LCLAT1: variants seen among roughly 807,000 people sequenced by gnomAD.
LCLAT1 encodes the protein lysocardiolipin acyltransferase 1, also known as 1-AGP acyltransferase 8.
Under a neutral mutation model 30.7 loss-of-function variants are expected in LCLAT1, and 11 were observed. The observed-to-expected ratio is 0.36, with a 90% CI of 0.23 to 0.59. The LOEUF (loss-of-function observed/expected upper bound fraction) is 0.59. Ranked by LOEUF, LCLAT1 falls within the 20% of genes least tolerant of loss-of-function variation. The pLI, the probability that LCLAT1 is intolerant of heterozygous loss-of-function variation, is 0.77. For synonymous variants in LCLAT1, 155 were observed against 151.3 expected, an observed-to-expected ratio of 1.02 and a Z score of -0.18; for missense variants, 402 against 458.6, an observed-to-expected ratio of 0.88 and a Z score of 1.13.
chr2:30,574,064 C>T (rs1665894166), intron 5 of LCLAT1, among the ~76,000 whole-genome samples: 1 of 151,918 alleles, frequency 6.6e-6, no homozygotes, highest in South Asian at 2.1e-4. Flanking sequence ...ATCGCTTGAA[C>T]CTGGGAGGTG....
At chr2:30,485,460 T>C (rs1275134723) in intron 1 of LCLAT1, among the ~76,000 whole-genome samples, 1 of 152,142 alleles carries the variant, frequency 6.6e-6, no homozygotes, top group African/African-American at 2.4e-5. Context: ...GTTGAACAAG[T>C]GATTTTTTTT....
chr2:30,626,060 A>G (rs1428576521), intron 5 of LCLAT1, among the ~76,000 whole-genome samples: 4 of 152,170 alleles, frequency 2.6e-5, no homozygotes. Context: ...TGGCATGAAT[A>G]ATGCCTGGCA....
At chr2:30,465,343 C>T (rs1682366160) in intron 1 of LCLAT1, among the ~76,000 whole-genome samples, 1 of 152,152 alleles carries the variant, frequency 6.6e-6, no homozygotes, top group African/African-American at 2.4e-5. Context: ...CTGGAATAAG[C>T]AAGGAACAGA....
chr2:30,577,512 A>G (rs1666048564), intron 5 of LCLAT1, among the ~76,000 whole-genome samples: 1 of 152,128 alleles, frequency 6.6e-6, no homozygotes, highest in Non-Finnish European at 1.5e-5. Flanking sequence ...TTTTGTGGTA[A>G]TTAATAACTT....
intron 4 of LCLAT1, 135 bp downstream of exon 4, chr2:30,562,427 T>C (rs1665274700): frequency 1.6e-6 from 1 of 629,048 alleles, no homozygotes; most frequent in Non-Finnish European, 2.5e-6. Context: ...TCCTAGCTAC[T>C]CAGGAGGCTG....
At chr2:30,637,957 A>G (rs957761381) in intron 5 of LCLAT1, among the ~76,000 whole-genome samples, 16 of 152,190 alleles carry the variant, frequency 1.1e-4, no homozygotes, top group African/African-American at 3.1e-4. Context: ...TTCTTCAGTG[A>G]GGCTTTCATT....
At chr2:30,543,972 T>G (rs1232876000) in intron 3 of LCLAT1, among the ~76,000 whole-genome samples, 1 of 152,226 alleles carries the variant, frequency 6.6e-6, no homozygotes, top group Non-Finnish European at 1.5e-5. Flanking sequence ...TTTTAGTTTC[T>G]TAACATAGAA....
intron 2 of LCLAT1, among the ~76,000 whole-genome samples, chr2:30,529,598 A>C (rs561653092): frequency 6.6e-6 from 1 of 152,216 alleles, no homozygotes; most frequent in Non-Finnish European, 1.5e-5. Context: ...TATGAAAATT[A>C]CTGGAGTTCT....
intron 1 of LCLAT1, among the ~76,000 whole-genome samples, chr2:30,500,073 G>T (rs996645978): frequency 5.9e-5 from 9 of 152,200 alleles, no homozygotes; most frequent in African/African-American, 2.2e-4. Flanking sequence ...ATAAGTGAAA[G>T]AAAACACCCA....
At chr2:30,517,618 G>A (rs1348794595) in intron 1 of LCLAT1, among the ~76,000 whole-genome samples, 1 of 152,170 alleles carries the variant, frequency 6.6e-6, no homozygotes, top group Admixed American at 6.5e-5. Flanking sequence ...TTAAAGGGAG[G>A]AGCATATTCC....
intron 3 of LCLAT1, among the ~76,000 whole-genome samples, chr2:30,536,401 T>G (rs1686243913): frequency 6.6e-6 from 1 of 152,148 alleles, no homozygotes; most frequent in South Asian, 2.1e-4. Flanking sequence ...AGGTGTCGAA[T>G]CACATAAAAG....
intron 1 of LCLAT1, among the ~76,000 whole-genome samples, chr2:30,511,576 T>C (rs1471190746): frequency 6.6e-6 from 1 of 152,228 alleles, no homozygotes; most frequent in Non-Finnish European, 1.5e-5. Context: ...GAATATTCTA[T>C]AGGACAACTG....
intron 1 of LCLAT1, among the ~76,000 whole-genome samples, chr2:30,519,514 C>G (rs1012661032): frequency 2.6e-5 from 4 of 152,186 alleles, no homozygotes; most frequent in African/African-American, 9.7e-5. Context: ...AGAGACAGGA[C>G]TAGCTGGATT....
chr2:30,590,819 A>G (rs965098550), intron 5 of LCLAT1, among the ~76,000 whole-genome samples: 1 of 152,076 alleles, frequency 6.6e-6, no homozygotes, highest in African/African-American at 2.4e-5. Flanking sequence ...CAAAGTTCAA[A>G]GGCGTTAAAT....
intron 5 of LCLAT1, among the ~76,000 whole-genome samples, chr2:30,590,804 TAAAAC>T (rs1184215858): frequency 6.6e-6 from 1 of 151,922 alleles, no homozygotes; most frequent in Non-Finnish European, 1.5e-5. Context: ...TTTACACAAA[TAAAAC>T]AAAGTTCAAA....
chr2:30,580,144 C>A (rs1320435829), intron 5 of LCLAT1, among the ~76,000 whole-genome samples: 1 of 152,084 alleles, frequency 6.6e-6, no homozygotes, highest in African/African-American at 2.4e-5. Flanking sequence ...AGGAAAGAAA[C>A]TCTGGAGAAA....
At chr2:30,605,119 A>G (rs1024972609) in intron 5 of LCLAT1, among the ~76,000 whole-genome samples, 4 of 152,242 alleles carry the variant, frequency 2.6e-5, no homozygotes, top group African/African-American at 9.6e-5. Flanking sequence ...ACAGTGCTTT[A>G]GAAAAAAGAC....
intron 3 of LCLAT1, among the ~76,000 whole-genome samples, chr2:30,556,935 G>A (rs1052455232): frequency 5.9e-5 from 9 of 151,756 alleles, no homozygotes; most frequent in Non-Finnish European, 1.5e-5. Context: ...GTAGAGATGG[G>A]GTTTCTCCAT....
intron 3 of LCLAT1, among the ~76,000 whole-genome samples, chr2:30,549,319 C>A (rs1176296948): frequency 6.6e-6 from 1 of 152,188 alleles, no homozygotes; most frequent in African/African-American, 2.4e-5. Flanking sequence ...TTGCGTTAGG[C>A]TGCTAGATAT....
Sources: gnomAD v4.1 joint callset for allele counts (sites outside exome capture counted in the v4.1 genomes callset) on GRCh38, gnomAD v4.1.1 for gene constraint, MANE v1.5 for transcripts, NCBI Gene and HGNC (gene_info 2026-07-23, HGNC 2026-07-21) for gene names.